KLRG1: variants seen among roughly 807,000 people sequenced by gnomAD.
KLRG1 encodes killer cell lectin-like receptor subfamily G member 1.
In KLRG1, 16 loss-of-function variants were observed where a neutral mutation model predicts 21.8. The ratio of observed to expected loss-of-function variants is 0.73; its 90% CI spans 0.50 to 1.11. KLRG1 has a LOEUF of 1.11. Ranked by LOEUF, KLRG1 falls within the 50% of genes most tolerant of loss-of-function variation. The pLI is 0.00. For synonymous variants in KLRG1, 69 were observed against 75.9 expected, an observed-to-expected ratio of 0.91 and a Z score of 0.47; for missense variants, 173 against 218.3, an observed-to-expected ratio of 0.79 and a Z score of 1.31.
At chr12:9,139,322 A>G in the KLRG1 span, among the ~76,000 whole-genome samples, 2 of 152,098 alleles carry the variant, frequency 1.3e-5, no homozygotes, top group African/African-American at 4.8e-5. Context: ...TAAATTTGTT[A>G]TAACTTATTT....
the KLRG1 span, chr12:9,197,004 C>T: frequency 6.3e-7 from 1 of 1,575,872 alleles, no homozygotes; most frequent in Non-Finnish European, 8.7e-7. Flanking sequence ...AGAATACCGC[C>T]TACTAACCTG....
intron 2 of KLRG1, 113 bp downstream of exon 2, chr12:8,992,423 C>A: frequency 1.5e-6 from 1 of 666,788 alleles, no homozygotes; most frequent in Non-Finnish European, 2.5e-6. Context: ...AACTCTCCAT[C>A]TGTATACAGC....
chr12:9,008,990 T>G lies in KLRG1; in HGVS notation c.373T>G (p.Phe125Val). Residue 125 changes from phenylalanine (F) to valine (V), a missense_variant, in exon 4 of 5, where the codon TTC (phenylalanine) becomes GTC (valine). This residue lies in a region of KLRG1 where 144 missense variants were observed against 161.5 expected (regional missense o/e 0.89). Transcript: ENST00000356986. Reference protein sequence around the residue: ...DNQEMSLLQVFLSEAFCWIGL... With the variant: ...DNQEMSLLQVVLSEAFCWIGL... ...TCTCCCTTAGAGCCTGCTCCAAGTTTTCCTCAGTGAGGCCTTTTGCTGGAT... is the reference window on the plus strand; with the variant it reads ...TCTCCCTTAGAGCCTGCTCCAAGTTGTCCTCAGTGAGGCCTTTTGCTGGAT... 6.2e-7 allele frequency: 1 copy of G among 1,613,630 alleles called. No homozygotes were observed. Among genetic ancestry groups the G allele is most frequent in the Non-Finnish European group, 8.5e-7 (1 of 1,179,780 alleles).
At chr12:9,159,251 G>A in the KLRG1 span, among the ~76,000 whole-genome samples, 1 of 151,696 alleles carries the variant, frequency 6.6e-6, no homozygotes, top group East Asian at 1.9e-4. Flanking sequence ...TGGGTATATT[G>A]GATTAAAAAA....
chr12:9,144,165 A>AAGAG, the KLRG1 span, among the ~76,000 whole-genome samples: 76 of 149,554 alleles, frequency 5.1e-4, 2 homozygotes, highest in African/African-American at 1.6e-3. Flanking sequence ...CCACATGAGG[A>AAGAG]AGAGAGAGAG....
chr12:9,009,761 A>G lies in KLRG1; in HGVS notation c.*224A>G, dbSNP rs1947589487. ...GTGAGCAATTTAAAGACCAGATCTAAGCAAATTTTGAAATAGATGTTTGTT... is the reference window on the plus strand; with the variant it reads ...GTGAGCAATTTAAAGACCAGATCTAGGCAAATTTTGAAATAGATGTTTGTT... On this transcript the variant is annotated 3_prime_UTR_variant, in exon 5 of 5. Coordinates refer to ENST00000356986, the MANE Select transcript of KLRG1 (RefSeq NM_005810.4). The G allele has an allele frequency of 7.0e-7, 1 of 1,418,480 alleles. No individual in the cohort carries two copies. Among genetic ancestry groups the G allele is most frequent in the Admixed American group, 3.0e-5 (1 of 32,992 alleles). The allele number at this position is 1,418,480 out of a possible 1,614,324, so 87.9% of individuals were successfully genotyped here.
chr12:9,049,918 G>T, the KLRG1 span, among the ~76,000 whole-genome samples: 1 of 152,288 alleles, frequency 6.6e-6, no homozygotes, highest in African/African-American at 2.4e-5. Flanking sequence ...CTTTCAGAAT[G>T]CTATTAGTCT....
the KLRG1 span, among the ~76,000 whole-genome samples, chr12:9,044,001 TGA>T: frequency 6.6e-6 from 1 of 152,206 alleles, no homozygotes; most frequent in Admixed American, 6.5e-5. Flanking sequence ...TGCAATTTCA[TGA>T]GAGACTCTTG....
chr12:9,118,281 C>T, the KLRG1 span, among the ~76,000 whole-genome samples: 10 of 152,192 alleles, frequency 6.6e-5, no homozygotes, highest in Non-Finnish European at 1.3e-4. Context: ...TTTTAACCCA[C>T]TCCCTTGAAG....
the KLRG1 span, among the ~76,000 whole-genome samples, chr12:9,108,406 G>A: frequency 3.9e-5 from 6 of 152,160 alleles, no homozygotes; most frequent in East Asian, 7.7e-4. Context: ...GATTACAGGC[G>A]TGAGCCACCA....
the KLRG1 span, chr12:9,067,951 A>C: frequency 9.1e-7 from 1 of 1,099,980 alleles, no homozygotes; most frequent in South Asian, 1.3e-5. Flanking sequence ...TAATCAGTAC[A>C]GTGGGAAACC....
downstream of KLRG1, among the ~76,000 whole-genome samples, chr12:9,014,648 A>C (rs1482508662): frequency 6.6e-6 from 1 of 152,180 alleles, no homozygotes; most frequent in African/African-American, 2.4e-5. Context: ...CATAAGATGC[A>C]ATAAGAAATC....
chr12:9,089,825 A>G, the KLRG1 span: 2 of 976,810 alleles, frequency 2.0e-6, no homozygotes, highest in Non-Finnish European at 2.9e-6. Flanking sequence ...ATAATATTAT[A>G]AAATATCCAT....
the KLRG1 span, chr12:9,110,124 A>C: frequency 1.4e-6 from 2 of 1,408,470 alleles, no homozygotes; most frequent in Non-Finnish European, 1.9e-6. Flanking sequence ...AGTTATCTAC[A>C]AAAAGGTCAA....
At chr12:9,051,540 A>C in the KLRG1 span, among the ~76,000 whole-genome samples, 24 of 152,316 alleles carry the variant, frequency 1.6e-4, no homozygotes, top group African/African-American at 5.8e-4. Context: ...CGTCAGGACA[A>C]CCTGTCTACA....
At chr12:9,121,131 C>T in the KLRG1 span, among the ~76,000 whole-genome samples, 8 of 152,116 alleles carry the variant, frequency 5.3e-5, no homozygotes. This position sits in a 1 kb window ranked among gnomAD's most constrained non-coding sequence, Gnocchi z 4.4. Flanking sequence ...CGGGATCTTC[C>T]TATCTCGGCC....
chr12:9,123,918 A>G, the KLRG1 span, among the ~76,000 whole-genome samples: 1 of 147,280 alleles, frequency 6.8e-6, no homozygotes, highest in African/African-American at 2.7e-5. Flanking sequence ...ATGCTGCCAA[A>G]GACTATTAGG....
the KLRG1 span, among the ~76,000 whole-genome samples, chr12:9,022,834 A>G: frequency 4.6e-5 from 7 of 152,156 alleles, no homozygotes; most frequent in Admixed American, 3.3e-4. Context: ...CTATGTAATG[A>G]AGCTTCCATA....
the KLRG1 span, chr12:9,164,067 G>GA: frequency 6.6e-7 from 1 of 1,508,920 alleles, no homozygotes; most frequent in Non-Finnish European, 9.0e-7. Flanking sequence ...AGAATATGAT[G>GA]AAAAAAGTAC....
Sources: gnomAD v4.1 joint callset for allele counts (sites outside exome capture counted in the v4.1 genomes callset) on GRCh38, gnomAD v4.1.1 for gene constraint, gnomAD v4.1.1 regional missense constraint, Gnocchi (gnomAD v3.1) non-coding constraint, MANE v1.5 for transcripts, NCBI Gene and HGNC (gene_info 2026-07-23, HGNC 2026-07-21) for gene names.